Variants in ZNF484 observed in about 807,000 individuals in gnomAD.
ZNF484 encodes the protein zinc finger protein 484.
A neutral mutation model predicts 12.9 loss-of-function variants in ZNF484; 11 were observed. The observed-to-expected ratio is 0.85, with a 90% CI of 0.54 to 1.41. The LOEUF is 1.41. Among genes scored for constraint, ZNF484 ranks in the 40% most tolerant of loss-of-function variants. ZNF484 has a pLI of 0.00. For synonymous variants in ZNF484, 289 were observed against 334.1 expected, an observed-to-expected ratio of 0.86 and a Z score of 1.47; for missense variants, 807 against 1,007.7, an observed-to-expected ratio of 0.80 and a Z score of 2.70.
At position 92,848,104 on chromosome 9, in the gene ZNF484, C is replaced by T. The variant is rs150458752; in HGVS notation, c.683G>A (p.Cys228Tyr). The T allele has an allele frequency of 2.5e-6, 4 of 1,614,220 alleles. No individual in the cohort carries two copies. The highest frequency in any genetic ancestry group is 3.4e-6 in the Non-Finnish European group (4 of 1,180,040). ...TTGCTTATGATGCAGAGGTTTCCCA[C>T]ATTGGTTACATTCACAAGCAGTCAC... ...TEVTACECNQCGKPLHHKQAL... is the reference protein window; with the variant it reads ...TEVTACECNQYGKPLHHKQAL... The change falls in exon 5 of 5, where the codon TGT becomes TAT. Residue 228 changes from cysteine to tyrosine, a missense_variant. Physicochemically the swap from Cys to Tyr is radical, Grantham distance 194 (BLOSUM62 -2). Coordinates refer to ENST00000375495, the MANE Select transcript of ZNF484 (RefSeq NM_031486.4). The surrounding 1 kb of genome is among the most constrained non-coding windows in gnomAD (Gnocchi z 4.1).
chr9:92,867,406 C>T (rs1203847291), intron 2 of ZNF484, among the ~76,000 whole-genome samples: 2 of 152,200 alleles, frequency 1.3e-5, no homozygotes, highest in African/African-American at 2.4e-5. Context: ...CCCTTGAACC[C>T]GGGAGGCGGA....
At chr9:92,868,683 G>A (rs1449985525) in intron 2 of ZNF484, among the ~76,000 whole-genome samples, 1 of 152,002 alleles carries the variant, frequency 6.6e-6, no homozygotes, top group African/African-American at 2.4e-5. Context: ...GGCAAAAGAG[G>A]AAGAAAGAGA....
At chr9:92,856,044 A>T in intron 3 of ZNF484, 141 bp from the exon 4 acceptor site, 1 of 1,383,922 alleles carries the variant, frequency 7.2e-7, no homozygotes, top group South Asian at 1.3e-5. Flanking sequence ...GGACAAAATA[A>T]GGACAAAACC....
chr9:92,855,172 A>T (rs1286626466), intron 4 of ZNF484, among the ~76,000 whole-genome samples: 1 of 152,220 alleles, frequency 6.6e-6, no homozygotes, highest in African/African-American at 2.4e-5. Context: ...ATACCTGTAC[A>T]CTAGATAAAA....
At chr9:92,865,575 G>GT (rs1857021062) in intron 2 of ZNF484, among the ~76,000 whole-genome samples, 1 of 152,078 alleles carries the variant, frequency 6.6e-6, no homozygotes, top group East Asian at 1.9e-4. Flanking sequence ...ACAAATTGGC[G>GT]TAACAAACTT....
chr9:92,871,362 T>C (rs1857419766), intron 2 of ZNF484, among the ~76,000 whole-genome samples: 1 of 151,536 alleles, frequency 6.6e-6, no homozygotes, highest in Non-Finnish European at 1.5e-5. Context: ...AAAGTAGAAA[T>C]GATCTAATCT....
chr9:92,862,179 T>TA (rs1856820319), intron 2 of ZNF484: 2 of 948,542 alleles, frequency 2.1e-6, no homozygotes, highest in Non-Finnish European at 2.5e-6. Context: ...AAAAAAAAAA[T>TA]AAAAAAAGAA....
chr9:92,861,696 A>G (rs900890484), intron 2 of ZNF484, among the ~76,000 whole-genome samples: 5 of 152,200 alleles, frequency 3.3e-5, no homozygotes, highest in Non-Finnish European at 1.5e-5. Flanking sequence ...CAGCGGGACA[A>G]TAACAGAACA....
rs1855882620 is a variant in ZNF484, at chr9:92,848,930, TAA to T, written c.236-381_236-380del. ...TCTCCAAAATAAATAAATAAATAAA[TAA>T]ATAAATAAATAAATAAATAAATAAA... On this transcript the variant is annotated intron_variant, in intron 4 of 4. Coordinates refer to ENST00000375495, the MANE Select transcript of ZNF484 (RefSeq NM_031486.4). The surrounding 1 kb of genome is among the most constrained non-coding windows in gnomAD (Gnocchi z 4.1). Among the ~76,000 whole-genome samples the T allele has an allele frequency of 6.8e-6, 1 of 147,236 alleles. No individual in the cohort carries two copies. Among genetic ancestry groups the T allele is most frequent in the African/African-American group, 2.5e-5 (1 of 39,732 alleles).
chr9:92,875,494 T>A (rs1262759448), intron 1 of ZNF484, among the ~76,000 whole-genome samples: 1 of 152,060 alleles, frequency 6.6e-6, no homozygotes, highest in Admixed American at 6.5e-5. Context: ...GATTCACTGA[T>A]TTCCATGCCT....
Position 92,878,029 on chromosome 9 carries a change from G to A in ZNF484, c.-170C>T. 1.6e-6 allele frequency: 1 copy of A among 620,592 alleles called. No individual in the cohort carries two copies. The highest frequency in any genetic ancestry group is 2.0e-5 in the South Asian group (1 of 49,546). 38.4% of individuals were successfully genotyped at this position (620,592 alleles called of 1,614,324 possible). A position where few individuals can be genotyped will look rare whatever the true frequency, so the allele number is the denominator to read the frequency against. The stretch of plus-strand genomic sequence containing the variant: ...AGGTACTTCTTACAGCGCTGCCTGG[G>A]TTTGCGCATGCTCAGCAGTCTTCAT... On this transcript the variant is annotated 5_prime_UTR_variant, in exon 1 of 5. Coordinates refer to ENST00000375495, the MANE Select transcript of ZNF484 (RefSeq NM_031486.4).
intron 2 of ZNF484, among the ~76,000 whole-genome samples, chr9:92,862,425 A>C (rs559732943): frequency 2.6e-5 from 4 of 152,158 alleles, no homozygotes; most frequent in African/African-American, 9.6e-5. Flanking sequence ...TTCTACATGG[A>C]GTGTAAGACT....
rs1373200064 is a variant in ZNF484 at position 92,846,634 on chromosome 9, T to C, written c.2153A>G (p.Lys718Arg). The C allele has an allele frequency of 5.6e-6, 9 of 1,613,918 alleles. No homozygotes were observed. The highest frequency in any genetic ancestry group is 7.6e-6 in the Non-Finnish European group (9 of 1,179,990). ...CCCACATTCATTACAAATATAGGGTTTCTCTCCTGTATGAATTCTCTGATG... is the reference window on the plus strand; with the variant it reads ...CCCACATTCATTACAAATATAGGGTCTCTCTCCTGTATGAATTCTCTGATG... The part of the protein sequence containing the change: ...IMHQRIHTGE[K>R]PYICNECGKS... The change falls in exon 5 of 5, where the codon AAA becomes AGA. Residue 718 changes from lysine to arginine, a missense_variant. By Grantham distance (26) the Lys-to-Arg change is conservative. Coordinates refer to ENST00000375495, the MANE Select transcript of ZNF484 (RefSeq NM_031486.4).
chr9:92,846,741 A>C lies in ZNF484; in HGVS notation c.2046T>G (p.His682Gln). ...AFTRKSGLHI[H>Q]QQSHTGERHY... ...GCCTTTCTCCAGTATGGGATTGCTG[A>C]TGTATATGGAGACCTGACTTCCTAG... The change falls in exon 5 of 5, where the codon CAT (histidine) becomes CAG (glutamine). Residue 682 changes from histidine to glutamine, a missense_variant. His to Gln is a conservative substitution (Grantham distance 24). Transcript: ENST00000375495. The C allele has an allele frequency of 4.3e-6, 7 of 1,613,976 alleles. No individual in the cohort carries two copies. Among genetic ancestry groups the C allele is most frequent in the Non-Finnish European group, 5.1e-6 (6 of 1,179,990 alleles).
intron 2 of ZNF484, among the ~76,000 whole-genome samples, chr9:92,870,939 G>GC (rs966701819): frequency 2.6e-5 from 4 of 152,036 alleles, no homozygotes; most frequent in African/African-American, 9.7e-5. Flanking sequence ...GTACAGCAAG[G>GC]CCCCCCAATT....
chr9:92,867,426 G>A (rs1857171319), intron 2 of ZNF484, among the ~76,000 whole-genome samples: 1 of 152,164 alleles, frequency 6.6e-6, no homozygotes, highest in African/African-American at 2.4e-5. Context: ...AGGTTGTGGT[G>A]AGCTGAGATT....
intron 2 of ZNF484, among the ~76,000 whole-genome samples, chr9:92,861,077 G>C (rs911849400): frequency 6.6e-6 from 1 of 151,992 alleles, no homozygotes; most frequent in Non-Finnish European, 1.5e-5. Flanking sequence ...AAATGAGGGA[G>C]ACCAAAATAG....
chr9:92,848,591 A>G lies in ZNF484; in HGVS notation c.236-40T>C. The G allele has an allele frequency of 1.3e-6, 2 of 1,517,674 alleles. No individual in the cohort carries two copies. The highest frequency in any genetic ancestry group is 1.7e-6 in the Non-Finnish European group (2 of 1,144,716). 94.0% of individuals were successfully genotyped at this position (1,517,674 alleles called of 1,614,324 possible). A position where few individuals can be genotyped will look rare whatever the true frequency, so the allele number is the denominator to read the frequency against. The stretch of plus-strand genomic sequence containing the variant: ...AAAGATAAGACTGACAAAAAGAACA[A>G]TTAACAGAAAATAAGGCCAGGTGCG... On this transcript the variant is annotated intron_variant, in intron 4 of 4. Coordinates refer to ENST00000375495, the MANE Select transcript of ZNF484 (RefSeq NM_031486.4). The surrounding 1 kb of genome is among the most constrained non-coding windows in gnomAD (Gnocchi z 4.1).
chr9:92,874,471 C>T (rs1857670203), intron 2 of ZNF484, among the ~76,000 whole-genome samples: 1 of 152,130 alleles, frequency 6.6e-6, no homozygotes, highest in African/African-American at 2.4e-5. Context: ...GCCACCACAC[C>T]TGGCTAATTT....
Sources: gnomAD v4.1 joint callset for allele counts (sites outside exome capture counted in the v4.1 genomes callset) on GRCh38, gnomAD v4.1.1 for gene constraint, Gnocchi (gnomAD v3.1) non-coding constraint, MANE v1.5 for transcripts, NCBI Gene and HGNC (gene_info 2026-07-23, HGNC 2026-07-21) for gene names.